IL1RAPL2: variants seen among roughly 807,000 people sequenced by gnomAD.
IL1RAPL2 encodes the protein interleukin 1 receptor accessory protein like 2, also known as X-linked interleukin-1 receptor accessory protein-like 2.
A neutral mutation model predicts 44.1 loss-of-function variants in IL1RAPL2; 3 were observed. The ratio of observed to expected loss-of-function variants is 0.07; its 90% CI spans 0.03 to 0.18. The LOEUF (loss-of-function observed/expected upper bound fraction) is 0.18. Among genes scored for constraint, IL1RAPL2 ranks in the 10% least tolerant of loss-of-function variants. The pLI is 1.00. For synonymous variants in IL1RAPL2, 181 were observed against 178.8 expected, an observed-to-expected ratio of 1.01 and a Z score of -0.10; for missense variants, 391 against 496.4, an observed-to-expected ratio of 0.79 and a Z score of 2.02.
At chrX:105,285,686 C>T (rs1003330115) in intron 5 of IL1RAPL2, among the ~76,000 whole-genome samples, 46 of 111,928 alleles carry the variant, frequency 4.1e-4, no homozygotes, top group African/African-American at 1.1e-3. Context: ...CTTTCTAATA[C>T]TCCACAGTGT....
chrX:105,218,919 G>C, intron 3 of IL1RAPL2: 4 of 1,086,101 alleles, frequency 3.7e-6, no homozygotes, highest in Admixed American at 2.4e-5. Flanking sequence ...AAATTAATTC[G>C]CCATCGAGAT....
chrX:105,529,295 A>C (rs1305903616), intron 6 of IL1RAPL2, among the ~76,000 whole-genome samples: 2 of 111,330 alleles, frequency 1.8e-5, no homozygotes, highest in Non-Finnish European at 3.8e-5. Flanking sequence ...TCACTATAAA[A>C]GCATTTTTTT....
chrX:105,644,715 A>C (rs2147840621), intron 6 of IL1RAPL2, among the ~76,000 whole-genome samples: 1 of 110,825 alleles, frequency 9.0e-6, no homozygotes, highest in South Asian at 4.0e-4. Flanking sequence ...CCATCAACCC[A>C]TCATCTACAT....
chrX:104,661,948 T>C (rs1930409128), intron 2 of IL1RAPL2, among the ~76,000 whole-genome samples: 1 of 112,310 alleles, frequency 8.9e-6, no homozygotes. Context: ...ATAGTTATAA[T>C]GATTTCTATG....
At chrX:104,598,039 T>G (rs1401988876) in intron 1 of IL1RAPL2, among the ~76,000 whole-genome samples, 1 of 112,040 alleles carries the variant, frequency 8.9e-6, no homozygotes, top group Non-Finnish European at 1.9e-5. Context: ...TATATTGTCT[T>G]TTTATTCTAA....
intron 6 of IL1RAPL2, among the ~76,000 whole-genome samples, chrX:105,693,409 G>C (rs894951241): frequency 9.0e-5 from 10 of 110,945 alleles, no homozygotes; most frequent in African/African-American, 2.6e-4. Flanking sequence ...CAAGAGTGCT[G>C]GTTGTTTAAA....
chrX:104,915,126 C>T (rs1924376306), intron 2 of IL1RAPL2, among the ~76,000 whole-genome samples: 1 of 111,495 alleles, frequency 9.0e-6, no homozygotes, highest in African/African-American at 3.3e-5. Context: ...TTCTAGATCC[C>T]CGAGGAATCG....
chrX:105,521,641 T>C (rs2036559563), intron 6 of IL1RAPL2, among the ~76,000 whole-genome samples: 1 of 112,064 alleles, frequency 8.9e-6, no homozygotes, highest in Admixed American at 9.4e-5. Context: ...CCCCCTTTGT[T>C]TGGCACTTCT....
chrX:105,268,774 GA>G (rs1209435429), intron 5 of IL1RAPL2, among the ~76,000 whole-genome samples: 1 of 97,857 alleles, frequency 1.0e-5, no homozygotes, highest in Non-Finnish European at 2.0e-5. Flanking sequence ...TCTCAAAAAT[GA>G]AAAATAAATA....
intron 5 of IL1RAPL2, among the ~76,000 whole-genome samples, chrX:105,435,854 G>A (rs958821650): frequency 2.7e-5 from 3 of 110,758 alleles, no homozygotes; most frequent in Admixed American, 9.7e-5. Context: ...AGAATACGTG[G>A]ACACAGGGAG....
chrX:104,893,561 T>C (rs1602789810), intron 2 of IL1RAPL2, among the ~76,000 whole-genome samples: 2 of 111,710 alleles, frequency 1.8e-5, no homozygotes, highest in African/African-American at 6.5e-5. Flanking sequence ...TTGTCTCTTT[T>C]GATCTTTGTT....
rs192671776 is a variant in IL1RAPL2 at position 105,646,144 on chromosome X, C to T, written c.773-71223C>T. Among the ~76,000 whole-genome samples the T allele has an allele frequency of 9.0e-5, 10 of 111,363 alleles. No individual in the cohort carries two copies. In the East Asian group the frequency reaches 2.8e-3, roughly 32 times the overall value. ...TTGTGTTCAGAGCTGCTTAGCACTC[C>T]AGGGTAAAGGCAGGGTTGTATTACA... On this transcript the variant is annotated intron_variant, in intron 6 of 10. Coordinates refer to ENST00000372582, the MANE Select transcript of IL1RAPL2 (RefSeq NM_017416.2).
intron 5 of IL1RAPL2, among the ~76,000 whole-genome samples, chrX:105,447,413 A>G (rs1193073974): frequency 2.8e-5 from 2 of 72,672 alleles, no homozygotes; most frequent in East Asian, 9.2e-4. Context: ...ATATAAATAT[A>G]AATATATAAA....
At chrX:105,568,682 T>G (rs902222748) in intron 6 of IL1RAPL2, among the ~76,000 whole-genome samples, 1 of 112,412 alleles carries the variant, frequency 8.9e-6, no homozygotes, top group Admixed American at 9.5e-5. Context: ...TTTTGTTCTT[T>G]CCTTGTTAAA....
At chrX:104,918,554 A>G (rs756379667) in intron 2 of IL1RAPL2, among the ~76,000 whole-genome samples, 109 of 112,318 alleles carry the variant, frequency 9.7e-4, no homozygotes, top group African/African-American at 3.4e-3. Context: ...GTTTGCATCT[A>G]TTCCATGCCT....
chrX:105,625,629 ACT>A (rs1456824035), intron 6 of IL1RAPL2, among the ~76,000 whole-genome samples: 1 of 110,456 alleles, frequency 9.1e-6, no homozygotes, highest in East Asian at 2.9e-4. Context: ...CTTACTATCC[ACT>A]CTGTGCTAGG....
At chrX:105,501,263 T>A (rs2036392689) in intron 6 of IL1RAPL2, among the ~76,000 whole-genome samples, 3 of 111,875 alleles carry the variant, frequency 2.7e-5, no homozygotes, top group Middle Eastern at 4.7e-3. Context: ...ATTAATTTCA[T>A]TATATTTTAC....
intron 2 of IL1RAPL2, among the ~76,000 whole-genome samples, chrX:104,912,847 A>T (rs1162108785): frequency 1.8e-5 from 2 of 112,361 alleles, no homozygotes; most frequent in Admixed American, 1.9e-4. Flanking sequence ...CTGCAAGTTA[A>T]TAAGTACATT....
chrX:104,602,494 G>A lies in IL1RAPL2; in HGVS notation c.-20+35443G>A, dbSNP rs750813341. Among the ~76,000 whole-genome samples the A allele has an allele frequency of 6.3e-5, 7 of 111,504 alleles. No individual in the cohort carries two copies. In the South Asian group the frequency reaches 2.3e-3, roughly 37 times the overall value. Reference sequence around the variant, plus strand: ...GTGAGACAGAATCAATTACTCCCCTGGAAAAGGGTGCTGAAGCCAGGGAGC... The same window carrying A: ...GTGAGACAGAATCAATTACTCCCCTAGAAAAGGGTGCTGAAGCCAGGGAGC... On this transcript the variant is annotated intron_variant, in intron 1 of 10. Coordinates refer to ENST00000372582, the MANE Select transcript of IL1RAPL2 (RefSeq NM_017416.2).
Sources: allele counts gnomAD v4.1 joint callset (sites outside exome capture counted in the v4.1 genomes callset), GRCh38; gene constraint gnomAD v4.1.1; transcripts MANE v1.5; gene names NCBI Gene and HGNC (gene_info 2026-07-23, HGNC 2026-07-21).